The following VPS13B variants were observed in gnomAD, a reference collection of about 807,000 sequenced individuals.
VPS13B encodes intermembrane lipid transfer protein VPS13B.
A neutral mutation model predicts 426.4 loss-of-function variants in VPS13B; 285 were observed. That is an observed-to-expected ratio of 0.67 (90% CI 0.61 to 0.74). The LOEUF (loss-of-function observed/expected upper bound fraction) is 0.74, where lower values mean the gene tolerates loss of function less well. Ranked by LOEUF, VPS13B falls within the 30% of genes least tolerant of loss-of-function variation. The pLI is 0.00. For synonymous variants in VPS13B, 1,676 were observed against 1,676.4 expected (o/e 1.00, Z 0.01); for missense variants, 4,537 against 4,782.6 (o/e 0.95, Z 1.51).
chr8:99,412,335 G>T (rs1178983072), intron 21 of VPS13B, among the ~76,000 whole-genome samples: 1 of 152,164 alleles, frequency 6.6e-6, no homozygotes, highest in Non-Finnish European at 1.5e-5. Context: ...AGTATCAATT[G>T]TGAATGGGAA....
intron 40 of VPS13B, among the ~76,000 whole-genome samples, chr8:99,768,571 T>A (rs1811340584): frequency 6.6e-6 from 1 of 152,232 alleles, no homozygotes; most frequent in Admixed American, 6.5e-5. Context: ...ACATTTTGGT[T>A]TGTAGCCTCA....
At chr8:99,448,014 T>C (rs2133453318) in intron 23 of VPS13B, among the ~76,000 whole-genome samples, 1 of 151,862 alleles carries the variant, frequency 6.6e-6, no homozygotes, top group South Asian at 2.1e-4. Context: ...ATTAAAAAAT[T>C]ATTTTATTTT....
At chr8:99,034,355 T>C (rs1372704998) in intron 2 of VPS13B, among the ~76,000 whole-genome samples, 1 of 152,138 alleles carries the variant, frequency 6.6e-6, no homozygotes, top group African/African-American at 2.4e-5. Context: ...ATTTACTCTT[T>C]GGCATGGGAT....
intron 16 of VPS13B, among the ~76,000 whole-genome samples, chr8:99,176,730 A>G (rs1306834484): frequency 2.0e-5 from 3 of 152,188 alleles, no homozygotes; most frequent in Non-Finnish European, 4.4e-5. Flanking sequence ...TGTATTGAAA[A>G]TGCAGCTTTT....
chr8:99,071,382 A>C (rs778023887), intron 3 of VPS13B, among the ~76,000 whole-genome samples: 2 of 152,128 alleles, frequency 1.3e-5, no homozygotes, highest in African/African-American at 2.4e-5. Flanking sequence ...GGTCTTCAGT[A>C]AGGTCCAAGA....
chr8:99,561,897 G>A (rs1454158308), intron 31 of VPS13B, among the ~76,000 whole-genome samples: 3 of 152,150 alleles, frequency 2.0e-5, no homozygotes, highest in Non-Finnish European at 4.4e-5. Context: ...TGCTGTACAA[G>A]TACCTGTTTT....
intron 2 of VPS13B, among the ~76,000 whole-genome samples, chr8:99,025,099 G>A (rs761326771): frequency 9.9e-5 from 15 of 151,928 alleles, no homozygotes; most frequent in Middle Eastern, 3.4e-3. Flanking sequence ...GTTTGTTATC[G>A]TTGTATGGAA....
intron 37 of VPS13B, among the ~76,000 whole-genome samples, chr8:99,719,103 G>T (rs1234890384): frequency 6.6e-6 from 1 of 152,038 alleles, no homozygotes; most frequent in Non-Finnish European, 1.5e-5. Context: ...CATATATTTA[G>T]CAATAAACAT....
At chr8:99,048,126 GT>G (rs1843328511) in intron 3 of VPS13B, among the ~76,000 whole-genome samples, 2 of 152,204 alleles carry the variant, frequency 1.3e-5, no homozygotes, top group South Asian at 4.1e-4. Flanking sequence ...CTCAGAAACA[GT>G]TTACTTAATT....
At chr8:99,600,327 G>A (rs1278256186) in intron 33 of VPS13B, among the ~76,000 whole-genome samples, 4 of 152,046 alleles carry the variant, frequency 2.6e-5, no homozygotes, top group African/African-American at 9.7e-5. Flanking sequence ...AGCCAGGTGG[G>A]CAGGCACACT....
chr8:99,349,147 A>C (rs932340604), intron 19 of VPS13B, among the ~76,000 whole-genome samples: 4 of 150,056 alleles, frequency 2.7e-5, no homozygotes, highest in African/African-American at 7.4e-5. Flanking sequence ...TCCCGGCTAA[A>C]ACGGTGAAAC....
At chr8:99,283,909 G>A (rs1819290492) in intron 19 of VPS13B, among the ~76,000 whole-genome samples, 1 of 152,120 alleles carries the variant, frequency 6.6e-6, no homozygotes, top group South Asian at 2.1e-4. Flanking sequence ...CATTTGTAGT[G>A]CAGAGAATTT....
intron 19 of VPS13B, among the ~76,000 whole-genome samples, chr8:99,294,754 G>C (rs1819940188): frequency 6.6e-6 from 1 of 152,110 alleles, no homozygotes; most frequent in African/African-American, 2.4e-5. Flanking sequence ...TGCAATGCCA[G>C]ATACTGAATA....
At chr8:99,842,836 A>G (rs2130885972) in intron 54 of VPS13B, among the ~76,000 whole-genome samples, 1 of 152,310 alleles carries the variant, frequency 6.6e-6, no homozygotes, top group South Asian at 2.1e-4. Context: ...TCCAGGCCTC[A>G]AATGGTTTTC....
intron 39 of VPS13B, among the ~76,000 whole-genome samples, chr8:99,745,828 G>A (rs1323894631): frequency 1.3e-5 from 2 of 152,002 alleles, no homozygotes; most frequent in African/African-American, 4.8e-5. Flanking sequence ...TTTAAAAGAA[G>A]TCTCAGCTAT....
chr8:99,484,645 G>A (rs1820207797), intron 25 of VPS13B, among the ~76,000 whole-genome samples: 1 of 152,086 alleles, frequency 6.6e-6, no homozygotes, highest in Non-Finnish European at 1.5e-5. Flanking sequence ...AATTTTGAAA[G>A]AGGTAAATTT....
intron 33 of VPS13B, among the ~76,000 whole-genome samples, chr8:99,586,486 T>C (rs1300100944): frequency 6.6e-6 from 1 of 152,150 alleles, no homozygotes; most frequent in African/African-American, 2.4e-5. Context: ...TCTTCCCAAC[T>C]AGTCTAGTCC....
At chr8:99,599,106 C>T (rs985032761) in intron 33 of VPS13B, among the ~76,000 whole-genome samples, 3 of 151,940 alleles carry the variant, frequency 2.0e-5, no homozygotes, top group African/African-American at 4.8e-5. Context: ...ATATTCAACT[C>T]TCTATGAAGC....
chr8:99,324,749 T>G (rs1810153109), intron 19 of VPS13B, among the ~76,000 whole-genome samples: 1 of 152,236 alleles, frequency 6.6e-6, no homozygotes, highest in Admixed American at 6.5e-5. Flanking sequence ...ATAGATTACC[T>G]TGAATCTTGT....
Sources: allele counts gnomAD v4.1 joint callset (sites outside exome capture counted in the v4.1 genomes callset), GRCh38; gene constraint gnomAD v4.1.1; transcripts MANE v1.5; gene names NCBI Gene and HGNC (gene_info 2026-07-23, HGNC 2026-07-21).